Variants in GDI2 observed in about 807,000 individuals in gnomAD.
The protein encoded by GDI2 is rab GDP dissociation inhibitor beta.
A neutral mutation model predicts 54.2 loss-of-function variants in GDI2; 22 were observed. That is an observed-to-expected ratio of 0.41 (90% CI 0.29 to 0.58). GDI2 has a LOEUF of 0.58. Ranked by LOEUF, GDI2 falls within the 20% of genes least tolerant of loss-of-function variation. The probability of loss-of-function intolerance (pLI) is 0.35; values close to 1 mark genes in which losing one functional copy is unlikely to be tolerated. For missense variants in GDI2, 422 were observed against 546.0 expected (o/e 0.77, Z 2.26); for synonymous variants, 177 against 182.1 (o/e 0.97, Z 0.23).
intron 1 of GDI2, among the ~76,000 whole-genome samples, chr10:5,802,147 T>C (rs916203887): frequency 1.3e-5 from 2 of 152,218 alleles, no homozygotes; most frequent in Non-Finnish European, 2.9e-5. Context: ...TAAGCTGAAC[T>C]AGCCGCTTTT....
intron 8 of GDI2, among the ~76,000 whole-genome samples, chr10:5,767,139 A>T (rs1840360190): frequency 2.0e-5 from 3 of 152,116 alleles, no homozygotes; most frequent in African/African-American, 7.2e-5. Context: ...TCATCCAGTT[A>T]ACTGTGTCAT....
chr10:5,808,330 C>CTGT, intron 1 of GDI2, among the ~76,000 whole-genome samples: 1 of 147,656 alleles, frequency 6.8e-6, no homozygotes, highest in Non-Finnish European at 1.5e-5. Context: ...GTCTCAAAAA[C>CTGT]AAACAAACAA....
chr10:5,772,376 G>C (rs1840510127), intron 7 of GDI2, among the ~76,000 whole-genome samples: 1 of 152,178 alleles, frequency 6.6e-6, no homozygotes, highest in South Asian at 2.1e-4. Context: ...ATTTAAAGCA[G>C]ATAAGCCAAT....
intron 2 of GDI2, among the ~76,000 whole-genome samples, chr10:5,797,543 CAAAA>C (rs772570487): frequency 8.8e-5 from 4 of 45,354 alleles, no homozygotes; most frequent in African/African-American, 3.8e-4. Context: ...GACTCCATCT[CAAAA>C]AAAAAAAAAA....
rs763030396 is a variant in GDI2 at position 5,766,479 on chromosome 10, AAG to A, written c.1136+13_1136+14del. 4 of 1,612,476 alleles carry A rather than the reference AAG, an allele frequency of 2.5e-6. No individual in the cohort carries two copies. Among genetic ancestry groups the A allele is most frequent in the South Asian group, 2.2e-5 (2 of 91,024 alleles). On this transcript the variant is annotated intron_variant, in intron 9 of 10. Coordinates refer to ENST00000380191, the MANE Select transcript of GDI2 (RefSeq NM_001494.4). The surrounding 1 kb of genome is among the most constrained non-coding windows in gnomAD (Gnocchi z 5.8). ...TCAGTTTGCATCTCGGCAGATATAA[AAG>A]AACACAACTCACTTCTGTTCAATTG...
At chr10:5,780,874 A>C (rs1840738779) in intron 6 of GDI2, among the ~76,000 whole-genome samples, 2 of 152,240 alleles carry the variant, frequency 1.3e-5, no homozygotes, top group Non-Finnish European at 2.9e-5. Context: ...AATCCCAACA[A>C]GCATGTTTTC....
rs181427692 is a variant in GDI2 at position 5,791,347 on chromosome 10, C to T, written c.388+3538G>A. Among the ~76,000 whole-genome samples the T allele has an allele frequency of 4.5e-3, 680 of 152,238 alleles. 10 individuals carry two copies. Among genetic ancestry groups the T allele is most frequent in the Non-Finnish European group, 4.3e-3 (294 of 68,016 alleles). On this transcript the variant is annotated intron_variant, in intron 4 of 10. Transcript: ENST00000380191. ...TTCTGGGGCCGGGCACAGTGGCTCA[C>T]ACCTGTAACCCCAGCACTTTGGGAG...
intron 6 of GDI2, 129 bp downstream of exon 6, chr10:5,785,013 T>C: frequency 1.8e-6 from 1 of 571,054 alleles, no homozygotes; most frequent in Non-Finnish European, 2.9e-6. Context: ...TAATTTTATT[T>C]CAATAAAAAT....
In GDI2 at chr10:5,785,320, C is replaced by A. The variant is rs1407877466; in HGVS notation, c.588-47G>T. 4.4e-6 allele frequency: 6 copies of A among 1,367,466 alleles called. No individual in the cohort carries two copies. In the East Asian group the frequency reaches 1.2e-4, roughly 27 times the overall value. 84.7% of individuals were successfully genotyped at this position (1,367,466 alleles called of 1,614,324 possible). A position where few individuals can be genotyped will look rare whatever the true frequency, so the allele number is the denominator to read the frequency against. On this transcript the variant is annotated intron_variant, in intron 5 of 10. Coordinates refer to ENST00000380191, the MANE Select transcript of GDI2 (RefSeq NM_001494.4). The stretch of plus-strand genomic sequence containing the variant: ...TTAGGAAAGGGCTTTAGTTTTCATT[C>A]ATGGTGTTCAATTTATAATTTTTTT...
chr10:5,785,640 T>C (rs546997084), intron 5 of GDI2, among the ~76,000 whole-genome samples: 2 of 152,228 alleles, frequency 1.3e-5, no homozygotes, highest in Non-Finnish European at 2.9e-5. Context: ...CCTCCCAAAG[T>C]GCTGGGATCA....
At chr10:5,794,333 C>T (rs1316693732) in intron 4 of GDI2, among the ~76,000 whole-genome samples, 2 of 150,288 alleles carry the variant, frequency 1.3e-5, no homozygotes, top group African/African-American at 2.5e-5. Flanking sequence ...CCTGTTGGCA[C>T]GTTGGGTAAT....
intron 4 of GDI2, among the ~76,000 whole-genome samples, chr10:5,787,992 C>T (rs1427540096): frequency 6.6e-6 from 1 of 152,202 alleles, no homozygotes; most frequent in South Asian, 2.1e-4. Flanking sequence ...TTACACAGCA[C>T]AGTAGAGACG....
At chr10:5,783,832 A>G (rs932980094) in intron 6 of GDI2, among the ~76,000 whole-genome samples, 1 of 152,180 alleles carries the variant, frequency 6.6e-6, no homozygotes, top group Non-Finnish European at 1.5e-5. Flanking sequence ...GTTTTCCTTT[A>G]TAGGTTACCT....
intron 2 of GDI2, among the ~76,000 whole-genome samples, chr10:5,797,134 A>G (rs34334386): frequency 2.6e-5 from 4 of 152,164 alleles, no homozygotes; most frequent in Non-Finnish European, 5.9e-5. Context: ...ACAAGGCCAG[A>G]CGCAATGGCT....
chr10:5,784,192 TTC>T (rs79860018), intron 6 of GDI2, among the ~76,000 whole-genome samples: 15,798 of 152,224 alleles, frequency 0.1, 1,140 homozygotes, highest in Admixed American at 0.21. Context: ...ACTCTGAAAT[TTC>T]TTTCTTCTAC....
At chr10:5,795,741 A>T (rs910719357) in intron 3 of GDI2, among the ~76,000 whole-genome samples, 3 of 152,042 alleles carry the variant, frequency 2.0e-5, no homozygotes, top group Non-Finnish European at 4.4e-5. Context: ...ACCAACCCAC[A>T]CAACACAGTG....
chr10:5,811,946 TG>T, intron 1 of GDI2: 1 of 1,103,150 alleles, frequency 9.1e-7, no homozygotes, highest in Non-Finnish European at 1.2e-6. Flanking sequence ...AGTGTTATTT[TG>T]GGATGTTACC....
At chr10:5,799,771 G>A (rs996713917) in intron 2 of GDI2, among the ~76,000 whole-genome samples, 2 of 152,220 alleles carry the variant, frequency 1.3e-5, no homozygotes, top group African/African-American at 4.8e-5. Flanking sequence ...ATGGTATTAT[G>A]CTTATGCAGG....
At chr10:5,779,498 GAA>G (rs1399634180) in intron 6 of GDI2, among the ~76,000 whole-genome samples, 1 of 133,128 alleles carries the variant, frequency 7.5e-6, no homozygotes. Flanking sequence ...ACTCCGTCTC[GAA>G]AAAAAAAAAA....
Sources: allele counts gnomAD v4.1 joint callset (sites outside exome capture counted in the v4.1 genomes callset), GRCh38; gene constraint gnomAD v4.1.1; non-coding constraint Gnocchi (gnomAD v3.1); transcripts MANE v1.5; gene names NCBI Gene and HGNC (gene_info 2026-07-23, HGNC 2026-07-21).